PHRF1: variants seen among roughly 807,000 people sequenced by gnomAD.
PHRF1 encodes the protein PHD and ring finger domains 1, also known as PHD and RING finger domain-containing protein 1.
Under a neutral mutation model 128.9 loss-of-function variants are expected in PHRF1, and 53 were observed. The ratio of observed to expected loss-of-function variants is 0.41; its 90% CI spans 0.33 to 0.52. PHRF1 has a LOEUF of 0.52. Among genes scored for constraint, PHRF1 ranks in the 20% least tolerant of loss-of-function variants. PHRF1 has a pLI of 0.21. For missense variants in PHRF1, 2,503 were observed against 2,284.5 expected, an observed-to-expected ratio of 1.10 and a Z score of -1.95; for synonymous variants, 1,178 against 980.6, an observed-to-expected ratio of 1.20 and a Z score of -3.76.
chr11:610,402 C>A, intron 15 of PHRF1, 55 bp downstream of exon 15: 2 of 1,534,382 alleles, frequency 1.3e-6, no homozygotes, highest in Non-Finnish European at 1.8e-6. Context: ...GGCACCCGTG[C>A]CACACACACC....
At chr11:579,175 A>G (rs189993624) in intron 1 of PHRF1, among the ~76,000 whole-genome samples, 63 of 152,180 alleles carry the variant, frequency 4.1e-4, no homozygotes, top group Admixed American at 3.7e-3. Context: ...TGTGAAATTC[A>G]TCATCAAATG....
At chr11:584,992 C>T (rs61877830) in intron 3 of PHRF1, among the ~76,000 whole-genome samples, 1 of 152,158 alleles carries the variant, frequency 6.6e-6, no homozygotes, top group Non-Finnish European at 1.5e-5. Context: ...CCCGCCTTGG[C>T]CTCCCAAAGT....
intron 1 of PHRF1, among the ~76,000 whole-genome samples, chr11:580,539 G>T (rs973997146): frequency 2.0e-5 from 3 of 152,332 alleles, no homozygotes; most frequent in African/African-American, 7.2e-5. Flanking sequence ...GGTCAGAGGA[G>T]CCTCCAGGCA....
At chr11:588,923 G>A (rs1031965165) in intron 4 of PHRF1, among the ~76,000 whole-genome samples, 4 of 151,968 alleles carry the variant, frequency 2.6e-5, no homozygotes, top group African/African-American at 7.2e-5. Context: ...GGATCATGAG[G>A]TCAAGAGATC....
intron 9 of PHRF1, among the ~76,000 whole-genome samples, chr11:599,294 A>G (rs1296113133): frequency 6.7e-5 from 8 of 120,056 alleles, no homozygotes; most frequent in East Asian, 2.3e-4. Context: ...TCGCTCTCCC[A>G]GGCTGGAGTG....
chr11:583,796 G>T (rs1854361368), intron 3 of PHRF1, among the ~76,000 whole-genome samples: 1 of 152,204 alleles, frequency 6.6e-6, no homozygotes, highest in African/African-American at 2.4e-5. Context: ...CTTGTCCCCT[G>T]TTGCCATCAC....
chr11:608,902 A>G lies in PHRF1; in HGVS notation c.3446A>G (p.Lys1149Arg). ...CGCAGCCACGAGCGGCCAGACAGGA[A>G]GGAGAGTGTGGCGTGGCCCCGAGAC... ...RERSHERPDRKESVAWPRDRR... is the reference protein window; with the variant it reads ...RERSHERPDRRESVAWPRDRR... The change falls in exon 14 of 18, where the codon AAG becomes AGG. Residue 1149 changes from lysine (K) to arginine (R), a missense_variant. Lys to Arg is a conservative substitution (Grantham distance 26, BLOSUM62 2). Coordinates refer to ENST00000264555, the MANE Select transcript of PHRF1 (RefSeq NM_001286581.2). The G allele has an allele frequency of 1.9e-6, 3 of 1,612,152 alleles. No homozygotes were observed. The highest frequency in any genetic ancestry group is 2.7e-5 in the African/African-American group (2 of 74,914).
rs764217430 is a variant in PHRF1, at chr11:596,917, C to T, written c.621-6C>T. The T allele has an allele frequency of 1.4e-5, 23 of 1,613,442 alleles. No homozygotes were observed. Among genetic ancestry groups the T allele is most frequent in the Admixed American group, 5.0e-5 (3 of 59,994 alleles). The stretch of plus-strand genomic sequence containing the variant: ...CCGGATGCTTTGGCCCTGCTCTCTC[C>T]TGTAGGTACCACATGGAATGCTTGG... On this transcript the variant is annotated splice_polypyrimidine_tract_variant and splice_region_variant and intron_variant, in intron 6 of 17. Transcript: ENST00000264555.
At chr11:580,814 G>A (rs548768247) in intron 1 of PHRF1, among the ~76,000 whole-genome samples, 2 of 152,122 alleles carry the variant, frequency 1.3e-5, no homozygotes, top group Non-Finnish European at 2.9e-5. Flanking sequence ...TCAGCTTCCC[G>A]AGTAGCTGGG....
rs1856297089 is a variant in PHRF1, at chr11:610,405, C to T, written c.4416+58C>T. ...GGGCAGTGGCCTGGCACCCGTGCCACACACACCACACTAGGCTGGGGCTGA... is the reference window on the plus strand; with the variant it reads ...GGGCAGTGGCCTGGCACCCGTGCCATACACACCACACTAGGCTGGGGCTGA... On this transcript the variant is annotated intron_variant, in intron 15 of 17. Coordinates refer to ENST00000264555, the MANE Select transcript of PHRF1 (RefSeq NM_001286581.2). 3.3e-6 allele frequency: 5 copies of T among 1,537,684 alleles called. No individual in the cohort carries two copies. In the Admixed American group the frequency reaches 5.8e-5, roughly 18 times the overall value.
At position 607,760 on chromosome 11, in the gene PHRF1, A is replaced by G. The variant is rs765912596; in HGVS notation, c.2304A>G (p.Lys768=). ...SLAPLGPSRG[K]GVGSTFESFR... ...CCCCACTGGGACCATCAAGAGGGAA[A>G]GGGGTCGGGTCGACCTTTGAGAGCT... is the stretch of plus-strand genomic sequence containing the variant. Residue 768 remains lysine, a synonymous_variant, in exon 14 of 18, where the codon AAA becomes AAG. Transcript: ENST00000264555. The G allele has an allele frequency of 1.5e-5, 24 of 1,612,336 alleles. No homozygotes were observed. In the Admixed American group the frequency reaches 3.5e-4, roughly 24 times the overall value.
chr11:577,676 C>G (rs771079739), intron 1 of PHRF1, among the ~76,000 whole-genome samples: 2 of 152,254 alleles, frequency 1.3e-5, no homozygotes, highest in African/African-American at 4.8e-5. Flanking sequence ...CTAGCTGATA[C>G]AGCAGATGGT....
At position 609,601 on chromosome 11, in the gene PHRF1, C is replaced by G. The variant is rs372737181; in HGVS notation, c.4145C>G (p.Ala1382Gly). ...GCGAGTGGGAGGGTACAGGAGGCAGCCCGGCCTGAGGAGGTGGTTTCGCAG... is the reference window on the plus strand; with the variant it reads ...GCGAGTGGGAGGGTACAGGAGGCAGGCCGGCCTGAGGAGGTGGTTTCGCAG... The part of the protein sequence containing the change: ...PSASGRVQEA[A>G]RPEEVVSQTP... Residue 1382 changes from alanine to glycine, a missense_variant, in exon 14 of 18, where the codon GCC becomes GGC. Physicochemically the swap from Ala to Gly is moderately conservative, Grantham distance 60 (BLOSUM62 0). Transcript: ENST00000264555. 9 of 1,592,494 alleles carry G rather than the reference C, an allele frequency of 5.7e-6. No homozygotes were observed. The African/African-American group carries it at 1.2e-4, about 21-fold the overall frequency.
At chr11:583,807 C>T (rs1854362020) in intron 3 of PHRF1, among the ~76,000 whole-genome samples, 1 of 152,174 alleles carries the variant, frequency 6.6e-6, no homozygotes, top group African/African-American at 2.4e-5. Context: ...TTGCCATCAC[C>T]CTCGGTGGTG....
At chr11:577,072 C>T (rs1413636395) in intron 1 of PHRF1, among the ~76,000 whole-genome samples, 1 of 152,238 alleles carries the variant, frequency 6.6e-6, no homozygotes, top group Non-Finnish European at 1.5e-5. Context: ...TTGTGTCCGG[C>T]CCCTGTGCAT....
rs1011669370 is a variant in PHRF1, at chr11:611,853, G to T, written c.*76G>T. ...TCGGGGCCATGCCCGGGGAGCTGTCGGGAGTGGCGGGAATCGGGGCCATGC... is the reference window on the plus strand; with the variant it reads ...TCGGGGCCATGCCCGGGGAGCTGTCTGGAGTGGCGGGAATCGGGGCCATGC... On this transcript the variant is annotated 3_prime_UTR_variant, in exon 18 of 18. Transcript: ENST00000264555. 6.6e-7 allele frequency: 1 copy of T among 1,509,058 alleles called. No homozygotes were observed. Among genetic ancestry groups the T allele is most frequent in the Admixed American group, 2.1e-5 (1 of 47,792 alleles). 93.5% of individuals were successfully genotyped at this position (1,509,058 alleles called of 1,614,324 possible).
At chr11:592,499 T>C in intron 5 of PHRF1, 60 bp from the exon 6 acceptor site, 1 of 1,522,142 alleles carries the variant, frequency 6.6e-7, no homozygotes, top group Admixed American at 1.7e-5. Flanking sequence ...CGTTTCACGC[T>C]GGGAAGTGAC....
rs781396514 is a variant in PHRF1, at chr11:608,055, A to T, written c.2599A>T (p.Ser867Cys). Residue 867 changes from serine to cysteine, a missense_variant, in exon 14 of 18, where the codon AGC becomes TGC. Physicochemically the swap from Ser to Cys is moderately radical, Grantham distance 112. Transcript: ENST00000264555. ...GATCACACGAACCATCTCCATCAAC[A>T]GCCCGAAGGCCCAGACGGTGCAGGC... ...SEITRTISIN[S>C]PKAQTVQAVR... 1.2e-6 allele frequency: 2 copies of T among 1,611,406 alleles called. No homozygotes were observed. The highest frequency in any genetic ancestry group is 1.7e-6 in the Non-Finnish European group (2 of 1,179,858).
chr11:601,338 A>G (rs1261305641), intron 9 of PHRF1, among the ~76,000 whole-genome samples: 4 of 151,744 alleles, frequency 2.6e-5, no homozygotes, highest in African/African-American at 9.7e-5. Flanking sequence ...CTGAGGCAGG[A>G]GAATCACGTG....
Sources: allele counts gnomAD v4.1 joint callset (sites outside exome capture counted in the v4.1 genomes callset), GRCh38; gene constraint gnomAD v4.1.1; transcripts MANE v1.5; gene names NCBI Gene and HGNC (gene_info 2026-07-23, HGNC 2026-07-21).